CDH2: variants seen among roughly 807,000 people sequenced by gnomAD.
CDH2 encodes cadherin-2.
In CDH2, 17 loss-of-function variants were observed where a neutral mutation model predicts 92.0. That is an observed-to-expected ratio of 0.18 (90% confidence interval 0.13 to 0.28). The LOEUF is 0.28. Among genes scored for constraint, CDH2 ranks in the 10% least tolerant of loss-of-function variants. CDH2 has a pLI of 1.00. For missense variants in CDH2, 862 were observed against 1,133.1 expected (o/e 0.76, Z 3.44); for synonymous variants, 419 against 415.9 (o/e 1.01, Z -0.09).
chr18:28,019,328 A>G (rs2013342818), intron 2 of CDH2, among the ~76,000 whole-genome samples: 1 of 151,990 alleles, frequency 6.6e-6, no homozygotes, highest in Non-Finnish European at 1.5e-5. Flanking sequence ...GAAATGAAGA[A>G]AGAAGAAAGG....
intron 7 of CDH2, among the ~76,000 whole-genome samples, 163 bp from the exon 8 acceptor site, chr18:27,993,800 A>G (rs1411057241): frequency 6.6e-6 from 1 of 152,232 alleles, no homozygotes; most frequent in Non-Finnish European, 1.5e-5. Context: ...TAACTTATGA[A>G]GCACAGGTCT....
At chr18:27,973,811 C>T (rs1456864031) in intron 14 of CDH2, among the ~76,000 whole-genome samples, 1 of 152,102 alleles carries the variant, frequency 6.6e-6, no homozygotes, top group African/African-American at 2.4e-5. Flanking sequence ...CAAAAATCAT[C>T]CTCCATGCCC....
chr18:28,133,151 A>C (rs1391306589), intron 2 of CDH2, among the ~76,000 whole-genome samples: 1 of 152,176 alleles, frequency 6.6e-6, no homozygotes, highest in East Asian at 1.9e-4. Context: ...CAAAAAGAAC[A>C]CGAGAGGAAA....
chr18:28,172,604 G>A (rs916508444), intron 1 of CDH2, among the ~76,000 whole-genome samples: 2 of 152,094 alleles, frequency 1.3e-5, no homozygotes, highest in Admixed American at 6.5e-5. Context: ...AAATACTTAG[G>A]TTCTAGCAAG....
At chr18:28,165,030 A>G (rs1422951585) in intron 1 of CDH2, among the ~76,000 whole-genome samples, 1 of 152,232 alleles carries the variant, frequency 6.6e-6, no homozygotes, top group Non-Finnish European at 1.5e-5. Flanking sequence ...AATATAGAAC[A>G]AAGTCTTGCA....
At chr18:27,950,603 T>G (rs566818492), downstream of CDH2, among the ~76,000 whole-genome samples, 3 of 152,230 alleles carry the variant, frequency 2.0e-5, no homozygotes, top group Non-Finnish European at 2.9e-5. Flanking sequence ...GTTTCCCTTA[T>G]GGTGGTGGCT....
chr18:28,043,495 A>ATAAAT (rs1567976503), intron 2 of CDH2, among the ~76,000 whole-genome samples: 5 of 87,364 alleles, frequency 5.7e-5, no homozygotes, highest in East Asian at 2.8e-4. Context: ...TATATATATA[A>ATAAAT]ATATATATAT....
intron 15 of CDH2, among the ~76,000 whole-genome samples, chr18:27,955,369 T>TAAAAAAAAAAAAAAA (rs760993428): frequency 3.2e-5 from 1 of 30,984 alleles, no homozygotes; most frequent in African/African-American, 1.0e-4. Context: ...AGTATAATAG[T>TAAAAAAAAAAAAAAA]AAAAAAAAAA....
chr18:28,076,823 T>C (rs2014729614), intron 2 of CDH2, among the ~76,000 whole-genome samples: 1 of 151,920 alleles, frequency 6.6e-6, no homozygotes. Context: ...TCAGGAAATG[T>C]GTGGATTAAT....
intron 2 of CDH2, among the ~76,000 whole-genome samples, chr18:28,124,301 A>G (rs1486093822): frequency 6.6e-6 from 1 of 152,148 alleles, no homozygotes; most frequent in African/African-American, 2.4e-5. Flanking sequence ...CTCAATTCTC[A>G]TTCAAAATAA....
At chr18:27,986,754 G>A (rs1260202720) in intron 11 of CDH2, among the ~76,000 whole-genome samples, 1 of 152,144 alleles carries the variant, frequency 6.6e-6, no homozygotes, top group Non-Finnish European at 1.5e-5. Flanking sequence ...TCTAAGAGCA[G>A]GGAGAGTTGA....
At chr18:28,131,100 A>C (rs1277346817) in intron 2 of CDH2, among the ~76,000 whole-genome samples, 1 of 152,178 alleles carries the variant, frequency 6.6e-6, no homozygotes, top group Non-Finnish European at 1.5e-5. Context: ...AATACCACAT[A>C]ATTTGTTCGT....
chr18:28,006,453 C>T (rs917734886), intron 5 of CDH2, among the ~76,000 whole-genome samples: 2 of 152,020 alleles, frequency 1.3e-5, no homozygotes, highest in African/African-American at 4.8e-5. Context: ...CACGGTGGCT[C>T]ACGCCTGTAA....
intron 2 of CDH2, among the ~76,000 whole-genome samples, chr18:28,117,523 C>T (rs932189102): frequency 1.3e-5 from 2 of 151,988 alleles, no homozygotes; most frequent in East Asian, 3.9e-4. Context: ...GACACCAGAG[C>T]CTAGGATCAC....
At chr18:27,961,052 A>G (rs1213736026) in intron 15 of CDH2, among the ~76,000 whole-genome samples, 4 of 151,936 alleles carry the variant, frequency 2.6e-5, no homozygotes, top group Non-Finnish European at 5.9e-5. Flanking sequence ...CAATGACCAT[A>G]GACATAGACA....
chr18:27,936,222 T>C (rs1909015753), intron 6 of CDH2, among the ~76,000 whole-genome samples: 1 of 152,220 alleles, frequency 6.6e-6, no homozygotes. Context: ...AAAGGTCTTT[T>C]ATATACCTTT....
At chr18:27,979,662 A>G (rs2011974633) in intron 14 of CDH2, among the ~76,000 whole-genome samples, 1 of 152,252 alleles carries the variant, frequency 6.6e-6, no homozygotes, top group Non-Finnish European at 1.5e-5. Flanking sequence ...ACTTCTACAC[A>G]TGAATCTCAC....
intron 1 of CDH2, among the ~76,000 whole-genome samples, chr18:28,170,433 C>T (rs1408034193): frequency 6.6e-6 from 1 of 152,120 alleles, no homozygotes; most frequent in Non-Finnish European, 1.5e-5. Context: ...GCAACCTCCG[C>T]CTCCCGGGTT....
At chr18:28,172,917 G>T in intron 1 of CDH2, among the ~76,000 whole-genome samples, 1 of 152,044 alleles carries the variant, frequency 6.6e-6, no homozygotes, top group Non-Finnish European at 1.5e-5. Context: ...AAAAAAAATA[G>T]GATTTAAAGC....
Sources: allele counts gnomAD v4.1 joint callset (sites outside exome capture counted in the v4.1 genomes callset), GRCh38; gene constraint gnomAD v4.1.1; transcripts MANE v1.5; gene names NCBI Gene and HGNC (gene_info 2026-07-23, HGNC 2026-07-21).